The following IFTAP variants were observed in gnomAD, a reference collection of about 807,000 sequenced individuals.
IFTAP encodes intraflagellar transport-associated protein.
Under a neutral mutation model 19.4 loss-of-function variants are expected in IFTAP, and 19 were observed. The ratio of observed to expected loss-of-function variants is 0.98; its 90% CI spans 0.68 to 1.44. The LOEUF (loss-of-function observed/expected upper bound fraction) is 1.44. Ranked by LOEUF, IFTAP falls within the 40% of genes most tolerant of loss-of-function variation. The probability of loss-of-function intolerance (pLI) is 0.00; values close to 1 mark genes in which losing one functional copy is unlikely to be tolerated. For synonymous variants in IFTAP, 85 were observed against 83.5 expected, an observed-to-expected ratio of 1.02 and a Z score of -0.10; for missense variants, 240 against 253.6, an observed-to-expected ratio of 0.95 and a Z score of 0.36.
intron 2 of IFTAP, among the ~76,000 whole-genome samples, chr11:36,615,217 A>T: frequency 1.3e-5 from 1 of 78,138 alleles, no homozygotes; most frequent in Non-Finnish European, 2.4e-5. Flanking sequence ...TTTGTCAAAG[A>T]TCAGATAGTT....
At chr11:36,639,252 A>AC (rs1300153205) in intron 4 of IFTAP, among the ~76,000 whole-genome samples, 2 of 138,476 alleles carry the variant, frequency 1.4e-5, no homozygotes, top group Non-Finnish European at 3.1e-5. Flanking sequence ...AGCTCAAGAG[A>AC]CTTTTTTTTT....
At chr11:36,632,018 G>A (rs569027212) in intron 2 of IFTAP, among the ~76,000 whole-genome samples, 1 of 151,200 alleles carries the variant, frequency 6.6e-6, no homozygotes, top group African/African-American at 2.5e-5. Context: ...AATGCAGGAA[G>A]CAAGGCACAG....
At position 36,653,297 on chromosome 11, in the gene IFTAP, C is replaced by T. The variant is rs1434911880; in HGVS notation, c.498+5142C>T. Among the ~76,000 whole-genome samples, 2 of 152,002 alleles carry T rather than the reference C, an allele frequency of 1.3e-5. 1 individual carries two copies. The highest frequency in any genetic ancestry group is 3.9e-4 in the East Asian group (2 of 5,192). ...AAATTTTAAGGGGACTCAAAGTTTT[C>T]CAATAGTGTACAAATTTTATTCCCT... On this transcript the variant is annotated intron_variant, in intron 5 of 5. Coordinates refer to ENST00000334307, the MANE Select transcript of IFTAP (RefSeq NM_138787.4).
At chr11:36,609,528 G>A (rs907549120) in intron 1 of IFTAP, among the ~76,000 whole-genome samples, 1 of 152,144 alleles carries the variant, frequency 6.6e-6, no homozygotes, top group Non-Finnish European at 1.5e-5. Flanking sequence ...GTAGGGAAGG[G>A]GGGGAGTGGA....
chr11:36,651,004 C>T (rs1324277561), intron 5 of IFTAP, among the ~76,000 whole-genome samples: 8 of 151,978 alleles, frequency 5.3e-5, no homozygotes, highest in South Asian at 2.1e-4. Context: ...TGAATAATGC[C>T]GCAATAAACA....
chr11:36,611,790 G>T (rs112131822), intron 2 of IFTAP, among the ~76,000 whole-genome samples: 50 of 152,150 alleles, frequency 3.3e-4, no homozygotes, highest in African/African-American at 1.1e-3. Context: ...ATAACATGTA[G>T]ATCAAATTAA....
At chr11:36,650,770 T>G (rs1853687422) in intron 5 of IFTAP, among the ~76,000 whole-genome samples, 1 of 152,046 alleles carries the variant, frequency 6.6e-6, no homozygotes, top group African/African-American at 2.4e-5. Context: ...GTGTTCTCAT[T>G]GTTCAATTCC....
In IFTAP at chr11:36,632,187, G is replaced by T. The variant is rs554448231; in HGVS notation, c.137-1097G>T. On this transcript the variant is annotated intron_variant, in intron 2 of 5. Coordinates refer to ENST00000334307, the MANE Select transcript of IFTAP (RefSeq NM_138787.4). ...ATAGTAACAGTGTCTACTTTTAGTG[G>T]TATTCTGAGGATTAAATGAAATGAT... Among the ~76,000 whole-genome samples, 10 of 151,142 alleles carry T rather than the reference G, an allele frequency of 6.6e-5. 1 individual carries two copies. The highest frequency in any genetic ancestry group is 2.5e-4 in the African/African-American group (10 of 40,538).
chr11:36,639,956 C>T (rs149211657), intron 4 of IFTAP, among the ~76,000 whole-genome samples: 22 of 152,278 alleles, frequency 1.4e-4, no homozygotes, highest in Admixed American at 6.5e-4. Flanking sequence ...CACCCCTGAA[C>T]GACTAGGGAC....
chr11:36,649,586 A>G (rs144770996), intron 5 of IFTAP, among the ~76,000 whole-genome samples: 1 of 152,274 alleles, frequency 6.6e-6, no homozygotes, highest in East Asian at 1.9e-4. Context: ...AATTATAGAA[A>G]TTGTTACAAA....
chr11:36,640,450 A>C lies in IFTAP; in HGVS notation c.358+4333A>C, dbSNP rs375324849. Among the ~76,000 whole-genome samples, 43 of 152,342 alleles carry C rather than the reference A, an allele frequency of 2.8e-4. No individual in the cohort carries two copies. The South Asian group carries it at 7.7e-3, about 27-fold the overall frequency. On this transcript the variant is annotated intron_variant, in intron 4 of 5. Coordinates refer to ENST00000334307, the MANE Select transcript of IFTAP (RefSeq NM_138787.4). ...TTGTGTCAAAATAGTAAGTGTTCAT[A>C]AGGCACTTCTGTTACATACTGAAAT...
chr11:36,596,920 A>G (rs1274829729), intron 1 of IFTAP, among the ~76,000 whole-genome samples: 1 of 152,212 alleles, frequency 6.6e-6, no homozygotes, highest in Non-Finnish European at 1.5e-5. Flanking sequence ...AGGATTGTCC[A>G]TTTTTGTAGC....
intron 4 of IFTAP, among the ~76,000 whole-genome samples, chr11:36,637,795 G>T (rs1488384032): frequency 6.6e-6 from 1 of 151,872 alleles, no homozygotes; most frequent in Admixed American, 6.6e-5. Flanking sequence ...TTTTGTGATG[G>T]TTTAAATTTT....
chr11:36,627,022 GA>G (rs1006950715), intron 2 of IFTAP, among the ~76,000 whole-genome samples: 4 of 151,250 alleles, frequency 2.6e-5, no homozygotes, highest in African/African-American at 9.9e-5. Flanking sequence ...AATAAGAAGG[GA>G]AGTGCATACT....
At chr11:36,609,582 G>C (rs759512062) in intron 1 of IFTAP, among the ~76,000 whole-genome samples, 3 of 152,114 alleles carry the variant, frequency 2.0e-5, no homozygotes, top group Non-Finnish European at 2.9e-5. Flanking sequence ...TAAAGGCATG[G>C]TTTCTAGGAT....
In IFTAP at chr11:36,629,561, G is replaced by A. The variant is rs190524132; in HGVS notation, c.137-3723G>A. On this transcript the variant is annotated intron_variant, in intron 2 of 5. Coordinates refer to ENST00000334307, the MANE Select transcript of IFTAP (RefSeq NM_138787.4). ...TTGCATGGGCACTAGTCTGGCTTTT[G>A]TACAGATTAATTTGAATTTTTAAAA... is the stretch of plus-strand genomic sequence containing the variant. 7.3e-5 allele frequency among the ~76,000 whole-genome samples: 11 copies of A among 151,480 alleles called. No homozygotes were observed. In the South Asian group the frequency reaches 1.9e-3, roughly 26 times the overall value.
chr11:36,647,882 G>A, intron 4 of IFTAP, 134 bp from the exon 5 acceptor site: 2 of 983,740 alleles, frequency 2.0e-6, no homozygotes, highest in Non-Finnish European at 3.0e-6. Context: ...CCCAAAGGAG[G>A]ACAGGCATTG....
In IFTAP at chr11:36,659,257, G is replaced by T; in HGVS notation, c.*71G>T. On this transcript the variant is annotated 3_prime_UTR_variant, in exon 6 of 6. Transcript: ENST00000334307. ...TTATTCTAGCAACATTAGAATAAAA[G>T]ATAAACCTACTATAATTCCCTTTGT... The T allele has an allele frequency of 7.6e-7, 1 of 1,323,438 alleles. No homozygotes were observed. The highest frequency in any genetic ancestry group is 2.6e-5 in the East Asian group (1 of 38,702). 82.0% of individuals were successfully genotyped at this position (1,323,438 alleles called of 1,614,324 possible).
At chr11:36,597,506 T>C (rs1460984984) in intron 1 of IFTAP, 2 of 152,204 alleles carry the variant, frequency 1.3e-5, no homozygotes, top group Non-Finnish European at 2.9e-5. Flanking sequence ...CCCAACCCCA[T>C]GCTAACATTC....
Sources: allele counts gnomAD v4.1 joint callset (sites outside exome capture counted in the v4.1 genomes callset), GRCh38; gene constraint gnomAD v4.1.1; transcripts MANE v1.5; gene names NCBI Gene and HGNC (gene_info 2026-07-23, HGNC 2026-07-21).